Variants in SNRPC observed in about 807,000 individuals in gnomAD.
SNRPC encodes small nuclear ribonucleoprotein polypeptide C.
Under a neutral mutation model 20.0 loss-of-function variants are expected in SNRPC, and 5 were observed. The observed-to-expected ratio is 0.25, with a 90% confidence interval of 0.13 to 0.53. The LOEUF (loss-of-function observed/expected upper bound fraction) is 0.53, where lower values mean the gene tolerates loss of function less well. Among genes scored for constraint, SNRPC ranks in the 20% least tolerant of loss-of-function variants. SNRPC has a pLI of 0.96. For missense variants in SNRPC, 112 were observed against 224.1 expected, an observed-to-expected ratio of 0.50 and a Z score of 3.19; for synonymous variants, 61 against 58.7, an observed-to-expected ratio of 1.04 and a Z score of -0.18.
chr6:34,765,558 T>C (rs1005752949), intron 3 of SNRPC, among the ~76,000 whole-genome samples: 8 of 152,014 alleles, frequency 5.3e-5, no homozygotes, highest in Non-Finnish European at 1.0e-4. Context: ...TGCCTCAGCC[T>C]CCCGAGTAGC....
intron 5 of SNRPC, among the ~76,000 whole-genome samples, chr6:34,772,423 T>C (rs953975717): frequency 9.2e-5 from 14 of 152,302 alleles, no homozygotes; most frequent in African/African-American, 3.1e-4. Flanking sequence ...GCATGGGCTT[T>C]TATGTCGTAT....
Position 34,764,906 on chromosome 6 carries a change from A to C in SNRPC, c.160+2203A>C, listed in dbSNP as rs935183244. The stretch of plus-strand genomic sequence containing the variant: ...TGTGGTGGCACATGCCTGTAATCCC[A>C]GCTACTTGGGAGGCTGAGGCAGGAG... On this transcript the variant is annotated intron_variant, in intron 3 of 5. Coordinates refer to ENST00000244520, the MANE Select transcript of SNRPC (RefSeq NM_003093.3). Among the ~76,000 whole-genome samples the C allele has an allele frequency of 2.0e-5, 3 of 151,940 alleles. No individual in the cohort carries two copies. In the East Asian group the frequency reaches 5.8e-4, roughly 29 times the overall value.
intron 3 of SNRPC, among the ~76,000 whole-genome samples, chr6:34,765,901 G>A (rs903606979): frequency 2.4e-4 from 36 of 151,904 alleles, no homozygotes; most frequent in African/African-American, 8.5e-4. Flanking sequence ...ACTATGCCAG[G>A]TTAATTTTGT....
intron 4 of SNRPC, 80 bp downstream of exon 4, chr6:34,768,077 T>C (rs1581592535): frequency 8.0e-7 from 1 of 1,249,720 alleles, no homozygotes; most frequent in East Asian, 2.4e-5. Flanking sequence ...CACCGTTGGC[T>C]TTCAAATGCT....
chr6:34,767,743 A>C (rs955138296), intron 3 of SNRPC, among the ~76,000 whole-genome samples, 165 bp from the exon 4 acceptor site: 4 of 152,232 alleles, frequency 2.6e-5, no homozygotes, highest in African/African-American at 4.8e-5. Flanking sequence ...AATACCTAAA[A>C]ATGATTTTAA....
At chr6:34,761,233 A>G (rs1005931500) in intron 2 of SNRPC, among the ~76,000 whole-genome samples, 4 of 150,492 alleles carry the variant, frequency 2.7e-5, no homozygotes, top group Admixed American at 1.3e-4. Flanking sequence ...TCCACCTCCT[A>G]GATTCAAGTG....
At chr6:34,761,887 A>G (rs1290258084) in intron 2 of SNRPC, among the ~76,000 whole-genome samples, 2 of 152,022 alleles carry the variant, frequency 1.3e-5, no homozygotes, top group African/African-American at 2.4e-5. Flanking sequence ...ATCTTGGCTC[A>G]CTGTAGCCTT....
chr6:34,769,812 A>G (rs1314628858), intron 4 of SNRPC, among the ~76,000 whole-genome samples: 2 of 152,082 alleles, frequency 1.3e-5, no homozygotes, highest in Non-Finnish European at 2.9e-5. Flanking sequence ...TTTTATTCAT[A>G]GATTAATGTG....
rs1231396375 is a variant in SNRPC, at chr6:34,757,533, T to G, written c.-11T>G. 1.2e-6 allele frequency: 2 copies of G among 1,613,638 alleles called. No homozygotes were observed. Among genetic ancestry groups the G allele is most frequent in the Non-Finnish European group, 8.5e-7 (1 of 1,179,576 alleles). On this transcript the variant is annotated 5_prime_UTR_variant, in exon 1 of 6. Transcript: ENST00000244520. ...TCACGTAACGGAGTGGCCAACGGCC[T>G]GCAGAGCAACATGCCCAAGTGAGTG...
intron 2 of SNRPC, among the ~76,000 whole-genome samples, chr6:34,759,478 G>C (rs545097494): frequency 1.3e-5 from 2 of 152,328 alleles, no homozygotes; most frequent in African/African-American, 4.8e-5. Context: ...TGCAACACAA[G>C]TGGCTTTGTC....
In SNRPC at chr6:34,763,204, G is replaced by A. The variant is rs145109803; in HGVS notation, c.160+501G>A. ...TCTGGATATGTTTTGGACCCCTGTT[G>A]TACCTCCCATGCTCTTTTTGTTAGG... On this transcript the variant is annotated intron_variant, in intron 3 of 5. Coordinates refer to ENST00000244520, the MANE Select transcript of SNRPC (RefSeq NM_003093.3). Among the ~76,000 whole-genome samples, 5 of 152,242 alleles carry A rather than the reference G, an allele frequency of 3.3e-5. No homozygotes were observed. In the East Asian group the frequency reaches 9.6e-4, roughly 29 times the overall value.
At chr6:34,769,789 G>A (rs1170817041) in intron 4 of SNRPC, among the ~76,000 whole-genome samples, 1 of 151,910 alleles carries the variant, frequency 6.6e-6, no homozygotes, top group East Asian at 1.9e-4. Flanking sequence ...GTCTAGGCAG[G>A]CTTGTTCTTG....
chr6:34,773,817 T>C lies in SNRPC; in HGVS notation c.*247T>C, dbSNP rs1332889998. 3.0e-6 allele frequency: 1 copy of C among 327,990 alleles called. No individual in the cohort carries two copies. The highest frequency in any genetic ancestry group is 5.7e-6 in the Non-Finnish European group (1 of 176,952). 20.3% of individuals were successfully genotyped at this position (327,990 alleles called of 1,614,324 possible). On this transcript the variant is annotated 3_prime_UTR_variant, in exon 6 of 6. Transcript: ENST00000244520. The surrounding 1 kb of genome is among the most constrained non-coding windows in gnomAD (Gnocchi z 4.1). Reference sequence around the variant, plus strand: ...AAAGTGTGTTCCCTTTTTCCTCCTCTCTGTGTTCTCTGTGTATTATAAAAG... The same window carrying C: ...AAAGTGTGTTCCCTTTTTCCTCCTCCCTGTGTTCTCTGTGTATTATAAAAG...
At chr6:34,768,079 T>A in intron 4 of SNRPC, 82 bp downstream of exon 4, 1 of 1,214,228 alleles carries the variant, frequency 8.2e-7, no homozygotes, top group Non-Finnish European at 1.2e-6. Context: ...CCGTTGGCTT[T>A]CAAATGCTGT....
chr6:34,765,858 C>T (rs560053617), intron 3 of SNRPC, among the ~76,000 whole-genome samples: 2 of 152,014 alleles, frequency 1.3e-5, no homozygotes, highest in Non-Finnish European at 2.9e-5. Flanking sequence ...CCGGTCTTGG[C>T]CTCCTGAGTA....
At chr6:34,772,658 G>A (rs1172722986) in intron 5 of SNRPC, among the ~76,000 whole-genome samples, 3 of 152,096 alleles carry the variant, frequency 2.0e-5, no homozygotes, top group South Asian at 2.1e-4. Flanking sequence ...TATAGATAAC[G>A]TGAAATTATG....
At chr6:34,758,878 GT>G (rs1265444024) in intron 2 of SNRPC, among the ~76,000 whole-genome samples, 2 of 151,792 alleles carry the variant, frequency 1.3e-5, no homozygotes, top group African/African-American at 4.8e-5. Flanking sequence ...GCTGGGCGCG[GT>G]GGCGGGCGGG....
intron 2 of SNRPC, among the ~76,000 whole-genome samples, chr6:34,760,889 CA>C (rs58737173): frequency 2.0e-5 from 3 of 149,816 alleles, no homozygotes; most frequent in African/African-American, 7.4e-5. Flanking sequence ...ACTAAAAATA[CA>C]AAAAAAAATT....
At chr6:34,764,979 C>T (rs1274627927) in intron 3 of SNRPC, among the ~76,000 whole-genome samples, 1 of 152,132 alleles carries the variant, frequency 6.6e-6, no homozygotes, top group Non-Finnish European at 1.5e-5. Context: ...AGAGATCTCG[C>T]CACTGCATTC....
Sources: allele counts gnomAD v4.1 joint callset (sites outside exome capture counted in the v4.1 genomes callset), GRCh38; gene constraint gnomAD v4.1.1; non-coding constraint Gnocchi (gnomAD v3.1); transcripts MANE v1.5; gene names NCBI Gene and HGNC (gene_info 2026-07-23, HGNC 2026-07-21).